Variants in MVB12B observed in about 807,000 individuals in gnomAD.
MVB12B encodes ESCRT-I complex subunit MVB12B.
A neutral mutation model predicts 41.6 loss-of-function variants in MVB12B; 16 were observed. The observed-to-expected ratio is 0.38, with a 90% CI of 0.26 to 0.58. The LOEUF (loss-of-function observed/expected upper bound fraction) is 0.58. Among genes scored for constraint, MVB12B ranks in the 20% least tolerant of loss-of-function variants. MVB12B has a pLI of 0.62. For synonymous variants in MVB12B, 133 were observed against 139.7 expected (o/e 0.95, Z 0.34); for missense variants, 274 against 380.2 (o/e 0.72, Z 2.32).
At chr9:126,492,439 G>A (rs994810639) in intron 9 of MVB12B, among the ~76,000 whole-genome samples, 2 of 151,920 alleles carry the variant, frequency 1.3e-5, no homozygotes, top group Non-Finnish European at 2.9e-5. Context: ...GAACAGGGCG[G>A]GGCTATTGGA....
intron 2 of MVB12B, among the ~76,000 whole-genome samples, chr9:126,360,027 A>T (rs1046803169): frequency 3.9e-5 from 6 of 152,102 alleles, no homozygotes; most frequent in African/African-American, 1.4e-4. Context: ...CATTGATTTG[A>T]GACCTTTCTT....
chr9:126,359,428 G>T (rs1829970399), intron 2 of MVB12B, among the ~76,000 whole-genome samples: 1 of 152,148 alleles, frequency 6.6e-6, no homozygotes, highest in South Asian at 2.1e-4. Context: ...ACTGAGTTGA[G>T]AAGTGTTCCT....
intron 8 of MVB12B, among the ~76,000 whole-genome samples, chr9:126,481,770 C>T (rs528735704): frequency 2.0e-5 from 3 of 152,352 alleles, no homozygotes; most frequent in Non-Finnish European, 4.4e-5. Flanking sequence ...CCATGCCGCA[C>T]GTGATTAACC....
rs1834048039 is a variant in MVB12B at position 126,505,563 on chromosome 9, T to G, written c.*2300T>G. 6.6e-6 allele frequency: 1 copy of G among 152,218 alleles called. No individual in the cohort carries two copies. Among genetic ancestry groups the G allele is most frequent in the South Asian group, 2.1e-4 (1 of 4,830 alleles). 9.4% of individuals were successfully genotyped at this position (152,218 alleles called of 1,614,324 possible). A position where few individuals can be genotyped will look rare whatever the true frequency, so the allele number is the denominator to read the frequency against. On this transcript the variant is annotated 3_prime_UTR_variant, in exon 10 of 10. Transcript: ENST00000361171. ...TAAGATAAGTAAGCAGAGACAGTGT[T>G]AAGGACGAGTTGGTGTCTGTGGTAG...
intron 6 of MVB12B, chr9:126,396,247 T>A: frequency 1.0e-6 from 1 of 987,098 alleles, no homozygotes; most frequent in African/African-American, 1.7e-5. Context: ...GCCAACTGTT[T>A]GCTCTGCAAC....
chr9:126,412,574 A>G (rs192203808), intron 6 of MVB12B, among the ~76,000 whole-genome samples: 4 of 152,246 alleles, frequency 2.6e-5, no homozygotes, highest in Admixed American at 6.5e-5. Flanking sequence ...GTGTTCCCCT[A>G]GTTTTTGCCA....
intron 6 of MVB12B, among the ~76,000 whole-genome samples, chr9:126,414,744 C>T (rs1053388217): frequency 6.6e-6 from 1 of 152,084 alleles, no homozygotes; most frequent in Non-Finnish European, 1.5e-5. Context: ...TGGTCAACTT[C>T]GGGCCCACTA....
At chr9:126,385,240 A>G (rs764167559) in intron 3 of MVB12B, among the ~76,000 whole-genome samples, 7 of 152,222 alleles carry the variant, frequency 4.6e-5, no homozygotes, top group Non-Finnish European at 1.0e-4. Context: ...GGCAAAAACC[A>G]TGCTAGGCTT....
chr9:126,340,431 T>C lies in MVB12B; in HGVS notation c.82-77T>C. The C allele has an allele frequency of 2.6e-6, 4 of 1,553,646 alleles. No homozygotes were observed. Among genetic ancestry groups the C allele is most frequent in the Non-Finnish European group, 2.6e-6 (3 of 1,135,040 alleles). Reference sequence around the variant, plus strand: ...CAGGGTATTTGCCCCAAGATTCTGGTTCTGTTTGAGACTTTATATTATTCA... The same window carrying C: ...CAGGGTATTTGCCCCAAGATTCTGGCTCTGTTTGAGACTTTATATTATTCA... On this transcript the variant is annotated intron_variant, in intron 1 of 9. Transcript: ENST00000361171. This position sits in a 1 kb window ranked among gnomAD's most constrained non-coding sequence, Gnocchi z 4.0.
intron 7 of MVB12B, among the ~76,000 whole-genome samples, chr9:126,426,580 T>C (rs1363067000): frequency 6.6e-6 from 1 of 152,206 alleles, no homozygotes; most frequent in Non-Finnish European, 1.5e-5. Flanking sequence ...CCTACCTTTT[T>C]TTTTTCTTGG....
rs1049210229 is a variant in MVB12B, at chr9:126,404,234, C to T, written c.662+8537C>T. Among the ~76,000 whole-genome samples, 24 of 152,118 alleles carry T rather than the reference C, an allele frequency of 1.6e-4. 1 individual carries two copies. The highest frequency in any genetic ancestry group is 1.2e-4 in the Non-Finnish European group (8 of 68,010). ...CCTCCCAAAGTGCTAGGACTACAGGCGTGAGCCACCACACCCGGCCAACTC... is the reference window on the plus strand; with the variant it reads ...CCTCCCAAAGTGCTAGGACTACAGGTGTGAGCCACCACACCCGGCCAACTC... On this transcript the variant is annotated intron_variant, in intron 6 of 9. Coordinates refer to ENST00000361171, the MANE Select transcript of MVB12B (RefSeq NM_033446.3).
intron 6 of MVB12B, among the ~76,000 whole-genome samples, chr9:126,413,306 CAG>C (rs1831705112): frequency 6.6e-6 from 1 of 152,136 alleles, no homozygotes; most frequent in South Asian, 2.1e-4. Context: ...CTGTATCCAG[CAG>C]AGAGGCAAGC....
intron 4 of MVB12B, among the ~76,000 whole-genome samples, chr9:126,390,687 G>A (rs967590259): frequency 3.9e-5 from 6 of 152,158 alleles, no homozygotes; most frequent in Non-Finnish European, 8.8e-5. Flanking sequence ...GAGGCCAGGC[G>A]CGGTGGCTCA....
At chr9:126,341,412 G>A (rs1829440584) in intron 2 of MVB12B, among the ~76,000 whole-genome samples, 1 of 152,176 alleles carries the variant, frequency 6.6e-6, no homozygotes, top group Non-Finnish European at 1.5e-5. Context: ...GAGATTCTAA[G>A]GTGGTCTTAT....
intron 7 of MVB12B, among the ~76,000 whole-genome samples, chr9:126,427,237 C>T (rs372673480): frequency 1.3e-5 from 2 of 152,084 alleles, no homozygotes; most frequent in African/African-American, 4.8e-5. Context: ...TGGGGGGACA[C>T]CTACTTGTTT....
intron 5 of MVB12B, among the ~76,000 whole-genome samples, chr9:126,394,734 A>G (rs749263478): frequency 5.3e-5 from 8 of 152,170 alleles, no homozygotes; most frequent in Non-Finnish European, 1.2e-4. Context: ...GTGGTTTTAC[A>G]TGGTTCCTGG....
At chr9:126,497,531 C>T (rs898191707) in intron 9 of MVB12B, among the ~76,000 whole-genome samples, 2 of 152,108 alleles carry the variant, frequency 1.3e-5, no homozygotes, top group East Asian at 1.9e-4. Context: ...CCAGACTACT[C>T]GGCTCCCCAC....
Position 126,395,633 on chromosome 9 carries a change from T to A in MVB12B, c.598T>A (p.Ser200Thr), listed in dbSNP as rs1173873310. Residue 200 changes from serine (S) to threonine (T), a missense_variant, in exon 6 of 10, where the codon TCA (serine) becomes ACA (threonine). Transcript: ENST00000361171. This position sits in a 1 kb window ranked among gnomAD's most constrained non-coding sequence, Gnocchi z 4.9. The stretch of plus-strand genomic sequence containing the variant: ...GGGCAGAGTACCAAGAAATCATGAC[T>A]CATCTCAACCCACAACGCCTTCCCA... ...RMGRVPRNHD[S>T]SQPTTPSQSS... is the part of the protein sequence containing the mutation. 26 of 1,614,012 alleles carry A rather than the reference T, an allele frequency of 1.6e-5. No individual in the cohort carries two copies. The highest frequency in any genetic ancestry group is 2.0e-5 in the Non-Finnish European group (24 of 1,180,028).
chr9:126,360,496 T>C (rs1313515086), intron 2 of MVB12B, among the ~76,000 whole-genome samples: 4 of 152,128 alleles, frequency 2.6e-5, no homozygotes, highest in East Asian at 1.9e-4. Context: ...CAGCCTAGAG[T>C]GTGATCCGTC....
Sources: allele counts gnomAD v4.1 joint callset (sites outside exome capture counted in the v4.1 genomes callset), GRCh38; gene constraint gnomAD v4.1.1; non-coding constraint Gnocchi (gnomAD v3.1); transcripts MANE v1.5; gene names NCBI Gene and HGNC (gene_info 2026-07-23, HGNC 2026-07-21).